The following NXPE4 variants were observed in gnomAD, a reference collection of about 807,000 sequenced individuals.
NXPE4 encodes neurexophilin and PC-esterase domain family member 4, also known as NXPE family member 4.
NXPE4 carries 42 observed loss-of-function variants against 33.3 expected under a neutral mutation model. That is an observed-to-expected ratio of 1.26 (90% CI 0.98 to 1.63). The LOEUF (loss-of-function observed/expected upper bound fraction) is 1.63. Among genes scored for constraint, NXPE4 ranks in the 40% most tolerant of loss-of-function variants. The pLI, the probability that NXPE4 is intolerant of heterozygous loss-of-function variation, is 0.00. For missense variants in NXPE4, 709 were observed against 647.6 expected (o/e 1.09, Z -1.03); for synonymous variants, 253 against 234.9 (o/e 1.08, Z -0.71).
chr11:114,655,483 T>C, the NXPE4 span, among the ~76,000 whole-genome samples: 1 of 152,202 alleles, frequency 6.6e-6, no homozygotes, highest in East Asian at 1.9e-4. Flanking sequence ...CTTTAATCCA[T>C]CTTGAGTGAA....
chr11:114,586,891 T>A (rs748163168), intron 2 of NXPE4, among the ~76,000 whole-genome samples: 1 of 152,208 alleles, frequency 6.6e-6, no homozygotes, highest in Non-Finnish European at 1.5e-5. Context: ...AATGCCATAA[T>A]GCCTGGGAAT....
Position 114,571,490 on chromosome 11 carries a change from A to G in NXPE4, c.1100-17T>C. On this transcript the variant is annotated splice_polypyrimidine_tract_variant and intron_variant, in intron 5 of 5. Transcript: ENST00000375478. ...ACTTCAGTGCTGATAACAAATAGGC[A>G]ATCCCAAAATAAAAGGAGGATATAG... 1 of 1,567,018 alleles carries G rather than the reference A, an allele frequency of 6.4e-7. No individual in the cohort carries two copies. The highest frequency in any genetic ancestry group is 8.7e-7 in the Non-Finnish European group (1 of 1,154,832).
chr11:114,619,730 T>C, the NXPE4 span, among the ~76,000 whole-genome samples: 15 of 151,644 alleles, frequency 9.9e-5, no homozygotes, highest in East Asian at 2.9e-3. Flanking sequence ...ACTGTTACCC[T>C]GTGGTTAATA....
chr11:114,624,295 C>G, the NXPE4 span, among the ~76,000 whole-genome samples: 2 of 151,950 alleles, frequency 1.3e-5, no homozygotes, highest in Non-Finnish European at 1.5e-5. Flanking sequence ...CCACTGTTAC[C>G]CGGTGGATAA....
the NXPE4 span, among the ~76,000 whole-genome samples, chr11:114,675,849 C>G: frequency 6.6e-6 from 1 of 151,798 alleles, no homozygotes; most frequent in Non-Finnish European, 1.5e-5. Context: ...ATTTCAAAAT[C>G]TACTGCAAGC....
At chr11:114,624,698 G>T in the NXPE4 span, among the ~76,000 whole-genome samples, 19 of 152,050 alleles carry the variant, frequency 1.2e-4, no homozygotes, top group Non-Finnish European at 2.4e-4. Flanking sequence ...TTGCCTCTAG[G>T]GTAACCACTG....
At chr11:114,622,385 T>A in the NXPE4 span, among the ~76,000 whole-genome samples, 35 of 151,652 alleles carry the variant, frequency 2.3e-4, no homozygotes, top group Admixed American at 9.8e-4. Context: ...GGATAATAAG[T>A]ATTTCTTGTG....
the NXPE4 span, among the ~76,000 whole-genome samples, chr11:114,629,697 A>G: frequency 6.6e-6 from 1 of 152,030 alleles, no homozygotes; most frequent in Non-Finnish European, 1.5e-5. Context: ...AAGGGAATAA[A>G]GGGTATTCAA....
At chr11:114,651,067 T>C in the NXPE4 span, among the ~76,000 whole-genome samples, 16 of 151,232 alleles carry the variant, frequency 1.1e-4, no homozygotes, top group African/African-American at 3.9e-4. Context: ...ATAGCTAGCA[T>C]AATGTATAAT....
the NXPE4 span, among the ~76,000 whole-genome samples, chr11:114,645,813 G>A: frequency 5.3e-5 from 8 of 152,118 alleles, no homozygotes; most frequent in Non-Finnish European, 1.0e-4. Context: ...AAATCACAGT[G>A]ACAGATGTCA....
At chr11:114,641,935 A>G in the NXPE4 span, among the ~76,000 whole-genome samples, 7 of 152,126 alleles carry the variant, frequency 4.6e-5, 1 homozygote, top group Non-Finnish European at 1.0e-4. Context: ...ACACATTTGC[A>G]AAGTTTGACA....
At chr11:114,590,535 G>A (rs1949426003) in intron 2 of NXPE4, among the ~76,000 whole-genome samples, 1 of 152,098 alleles carries the variant, frequency 6.6e-6, no homozygotes, top group Non-Finnish European at 1.5e-5. Flanking sequence ...CTCCTAACCT[G>A]GAAACCTAAA....
chr11:114,631,650 G>A, the NXPE4 span, among the ~76,000 whole-genome samples: 8 of 151,862 alleles, frequency 5.3e-5, no homozygotes, highest in Non-Finnish European at 1.0e-4. Context: ...TTGTGCACAG[G>A]TACCCTAAAA....
the NXPE4 span, among the ~76,000 whole-genome samples, chr11:114,616,408 G>A: frequency 1.7e-4 from 26 of 149,588 alleles, 2 homozygotes; most frequent in South Asian, 4.2e-4. Flanking sequence ...GTGGGTAACC[G>A]GTGTTACCTG....
In NXPE4 at chr11:114,571,163, A is replaced by G; in HGVS notation, c.1410T>C (p.Val470=). 1.2e-6 allele frequency: 2 copies of G among 1,614,016 alleles called. No homozygotes were observed. Among genetic ancestry groups the G allele is most frequent in the Non-Finnish European group, 1.7e-6 (2 of 1,179,948 alleles). Residue 470 remains valine, a synonymous_variant, in exon 6 of 6, where the codon GTT becomes GTC. Transcript: ENST00000375478. ...CCCTGATGTTTTCTGTTTTGATGATAACCATAGTGTCTGGGCTTCTCAGAA... is the reference window on the plus strand; with the variant it reads ...CCCTGATGTTTTCTGTTTTGATGATGACCATAGTGTCTGGGCTTCTCAGAA... ...HLLLRSPDTM[V]IIKTENIREM...
At chr11:114,627,257 G>T in the NXPE4 span, among the ~76,000 whole-genome samples, 34 of 151,920 alleles carry the variant, frequency 2.2e-4, no homozygotes, top group Non-Finnish European at 4.9e-4. Flanking sequence ...AAATGTTAAA[G>T]GCAGCCAGAG....
At chr11:114,612,399 C>T in the NXPE4 span, among the ~76,000 whole-genome samples, 2 of 151,892 alleles carry the variant, frequency 1.3e-5, no homozygotes, top group African/African-American at 4.8e-5. Flanking sequence ...TCATGTCTAA[C>T]CACTGTTACC....
At position 114,582,157 on chromosome 11, in the gene NXPE4, C is replaced by T. The variant is rs940994866; in HGVS notation, c.830+131G>A. On this transcript the variant is annotated intron_variant, in intron 3 of 5. Transcript: ENST00000375478. ...TGGGCACTGTCTCTAAATGAATTCACAGATCCTTTCCCCAAAGGCTCTTAC... is the reference window on the plus strand; with the variant it reads ...TGGGCACTGTCTCTAAATGAATTCATAGATCCTTTCCCCAAAGGCTCTTAC... The T allele has an allele frequency of 5.3e-6, 5 of 948,386 alleles. No homozygotes were observed. The African/African-American group carries it at 6.6e-5, about 12-fold the overall frequency. The allele number at this position is 948,386 out of a possible 1,614,324, so 58.7% of individuals were successfully genotyped here. A position where few individuals can be genotyped will look rare whatever the true frequency, so the allele number is the denominator to read the frequency against.
the NXPE4 span, among the ~76,000 whole-genome samples, chr11:114,633,853 C>G: frequency 6.6e-6 from 1 of 152,028 alleles, no homozygotes; most frequent in African/African-American, 2.4e-5. Flanking sequence ...TTATCTTAAT[C>G]CAGTCTATCA....
Sources: allele counts gnomAD v4.1 joint callset (sites outside exome capture counted in the v4.1 genomes callset), GRCh38; gene constraint gnomAD v4.1.1; transcripts MANE v1.5; gene names NCBI Gene and HGNC (gene_info 2026-07-23, HGNC 2026-07-21).